The following MGAT4C variants were observed in gnomAD, a reference collection of about 807,000 sequenced individuals.
The protein encoded by MGAT4C is alpha-1,3-mannosyl-glycoprotein 4-beta-N-acetylglucosaminyltransferase C.
In MGAT4C, 19 loss-of-function variants were observed where a neutral mutation model predicts 40.1. The ratio of observed to expected loss-of-function variants is 0.47; its 90% CI spans 0.33 to 0.70. MGAT4C has a LOEUF of 0.70. Ranked by LOEUF, MGAT4C falls within the 30% of genes least tolerant of loss-of-function variation. The probability of loss-of-function intolerance (pLI) is 0.02; values close to 1 mark genes in which losing one functional copy is unlikely to be tolerated. For synonymous variants in MGAT4C, 181 were observed against 187.1 expected (o/e 0.97, Z 0.27); for missense variants, 491 against 563.2 (o/e 0.87, Z 1.30).
At chr12:86,510,497 C>T (rs1958555522) in intron 2 of MGAT4C, among the ~76,000 whole-genome samples, 1 of 152,056 alleles carries the variant, frequency 6.6e-6, no homozygotes, top group African/African-American at 2.4e-5. Flanking sequence ...ACAATATTAA[C>T]CTTAAATGTA....
At chr12:86,675,269 T>C (rs1465285854) in intron 2 of MGAT4C, among the ~76,000 whole-genome samples, 1 of 152,152 alleles carries the variant, frequency 6.6e-6, no homozygotes, top group Admixed American at 6.5e-5. Flanking sequence ...TTGATAGAAA[T>C]CTTCTAGAAG....
At chr12:86,679,746 C>T (rs1049363611) in intron 2 of MGAT4C, among the ~76,000 whole-genome samples, 1 of 152,056 alleles carries the variant, frequency 6.6e-6, no homozygotes, top group Admixed American at 6.6e-5. Context: ...AGAAGTGGAA[C>T]CTCTAAAGAT....
intron 1 of MGAT4C, among the ~76,000 whole-genome samples, chr12:86,796,254 T>C (rs986369159): frequency 6.6e-6 from 1 of 151,932 alleles, no homozygotes; most frequent in African/African-American, 2.4e-5. Flanking sequence ...TTATGTTCTT[T>C]ACTCCTTCCT....
chr12:86,357,948 G>A (rs1185891309), intron 3 of MGAT4C, among the ~76,000 whole-genome samples: 1 of 152,092 alleles, frequency 6.6e-6, no homozygotes, highest in Non-Finnish European at 1.5e-5. Context: ...AGCAAGGCAG[G>A]CCAACATTCA....
At chr12:86,803,577 C>A (rs1952277239) in intron 1 of MGAT4C, among the ~76,000 whole-genome samples, 2 of 149,298 alleles carry the variant, frequency 1.3e-5, no homozygotes, top group Admixed American at 6.7e-5. Flanking sequence ...AAGAAAAAAA[C>A]AAACAACCCC....
At chr12:86,062,681 A>G (rs571403715) in intron 1 of MGAT4C, among the ~76,000 whole-genome samples, 1 of 151,930 alleles carries the variant, frequency 6.6e-6, no homozygotes, top group African/African-American at 2.4e-5. Flanking sequence ...GAGAACATAA[A>G]TGACCTGATG....
intron 1 of MGAT4C, among the ~76,000 whole-genome samples, chr12:86,247,180 T>A (rs540001352): frequency 6.6e-6 from 1 of 152,230 alleles, no homozygotes; most frequent in Non-Finnish European, 1.5e-5. Flanking sequence ...TAATTAGTTA[T>A]AGGGTTACAC....
At chr12:86,392,044 G>A (rs1296510991) in intron 3 of MGAT4C, among the ~76,000 whole-genome samples, 1 of 152,076 alleles carries the variant, frequency 6.6e-6, no homozygotes, top group Non-Finnish European at 1.5e-5. Context: ...TAGGATTGTG[G>A]TGATGATTTT....
chr12:85,956,243 G>A lies in MGAT4C; in HGVS notation c.*23046C>T, dbSNP rs541735461. 1.8e-4 allele frequency: 27 copies of A among 152,282 alleles called. No individual in the cohort carries two copies. In the East Asian group the frequency reaches 5.0e-3, roughly 28 times the overall value. 9.4% of individuals were successfully genotyped at this position (152,282 alleles called of 1,614,324 possible). ...ACCCTGTCTTTTACTATGCAAACAT[G>A]CAAGCATCAGATTTTTAATCAAACC... On this transcript the variant is annotated 3_prime_UTR_variant, in exon 5 of 5. Coordinates refer to ENST00000611864, the MANE Select transcript of MGAT4C (RefSeq NM_001351288.2).
chr12:86,834,991 C>A (rs1024867688), intron 1 of MGAT4C, among the ~76,000 whole-genome samples: 3 of 151,848 alleles, frequency 2.0e-5, no homozygotes, highest in Admixed American at 1.3e-4. Flanking sequence ...CAGATAAATT[C>A]AATATAACAC....
intron 2 of MGAT4C, among the ~76,000 whole-genome samples, chr12:86,045,803 A>G (rs762195855): frequency 6.6e-6 from 1 of 152,214 alleles, no homozygotes; most frequent in Non-Finnish European, 1.5e-5. Flanking sequence ...GTGTTACTTG[A>G]CTATGTGAGA....
chr12:86,267,770 A>C (rs1370183708), intron 4 of MGAT4C, among the ~76,000 whole-genome samples: 1 of 152,148 alleles, frequency 6.6e-6, no homozygotes, highest in Admixed American at 6.5e-5. Context: ...TTTTAAAGTA[A>C]AAATTTAGAC....
chr12:86,208,922 T>C (rs1228701184), intron 1 of MGAT4C, among the ~76,000 whole-genome samples: 1 of 152,166 alleles, frequency 6.6e-6, no homozygotes, highest in Non-Finnish European at 1.5e-5. Context: ...ATACATTCGC[T>C]ACTTACTTCT....
intron 1 of MGAT4C, among the ~76,000 whole-genome samples, chr12:86,250,989 TAACAATGAA>T (rs1459427874): frequency 6.6e-6 from 1 of 152,018 alleles, no homozygotes; most frequent in Non-Finnish European, 1.5e-5. Context: ...AGCAAGTCAG[TAACAATGAA>T]AACAATGAAA....
intron 1 of MGAT4C, among the ~76,000 whole-genome samples, chr12:86,074,089 T>A (rs2137045869): frequency 6.6e-6 from 1 of 152,230 alleles, no homozygotes; most frequent in African/African-American, 2.4e-5. Context: ...AGTGAATAAG[T>A]CTCACAAGAT....
At chr12:86,358,323 G>T (rs745760900) in intron 3 of MGAT4C, among the ~76,000 whole-genome samples, 2 of 152,148 alleles carry the variant, frequency 1.3e-5, no homozygotes, top group Non-Finnish European at 2.9e-5. Flanking sequence ...AGGTCCTGAA[G>T]GAAGCACTAA....
chr12:86,480,926 C>T (rs1241103804), intron 2 of MGAT4C, among the ~76,000 whole-genome samples: 1 of 151,514 alleles, frequency 6.6e-6, no homozygotes, highest in Non-Finnish European at 1.5e-5. Context: ...GGACATTTTC[C>T]ACACTCTGAA....
At chr12:86,284,449 C>T (rs767057152) in intron 4 of MGAT4C, among the ~76,000 whole-genome samples, 30 of 151,742 alleles carry the variant, frequency 2.0e-4, no homozygotes, top group African/African-American at 5.1e-4. Flanking sequence ...ATTTATTAGA[C>T]GATTATGCTG....
In MGAT4C at chr12:86,075,816, G is replaced by A. The variant is rs142237857; in HGVS notation, c.-56-26093C>T. Among the ~76,000 whole-genome samples the A allele has an allele frequency of 3.9e-5, 6 of 152,290 alleles. No homozygotes were observed. The East Asian group carries it at 1.2e-3, about 29-fold the overall frequency. ...TTTCAGCCACAGCTGGAGCAACTGG[G>A]TCACAGGGCCCTGCCCACAAAACCT... On this transcript the variant is annotated intron_variant, in intron 1 of 4. Transcript: ENST00000611864.
Sources: gnomAD v4.1 joint callset for allele counts (sites outside exome capture counted in the v4.1 genomes callset) on GRCh38, gnomAD v4.1.1 for gene constraint, MANE v1.5 for transcripts, NCBI Gene and HGNC (gene_info 2026-07-23, HGNC 2026-07-21) for gene names.